Variants in EMG1 observed in about 807,000 individuals in gnomAD.
The protein encoded by EMG1 is EMG1 N1-specific pseudouridine methyltransferase.
EMG1 carries 24 observed loss-of-function variants against 26.9 expected under a neutral mutation model. The observed-to-expected ratio is 0.89, with a 90% CI of 0.65 to 1.26. The LOEUF is 1.26. Ranked by LOEUF, EMG1 falls within the 50% of genes most tolerant of loss-of-function variation. EMG1 has a pLI of 0.00. For missense variants in EMG1, 299 were observed against 307.6 expected, an observed-to-expected ratio of 0.97 and a Z score of 0.21; for synonymous variants, 140 against 112.6, an observed-to-expected ratio of 1.24 and a Z score of -1.54.
chr12:6,983,123 G>C (rs1946487607), downstream of EMG1: 5 of 495,892 alleles, frequency 1.0e-5, no homozygotes, highest in South Asian at 8.8e-5. Context: ...CTGAAGTGAA[G>C]AATGAATCTA....
In EMG1 at chr12:6,978,567, G is replaced by C. The variant is rs1946435843; in HGVS notation, c.*2758G>C. On this transcript the variant is annotated 3_prime_UTR_variant, in exon 6 of 6. Transcript: ENST00000599672. ...CTCCCCATACTGGCCCCCATGGCTT[G>C]TCTAAATAGGACCTTGTTTCAACTT... 1 of 1,613,424 alleles carries C rather than the reference G, an allele frequency of 6.2e-7. No homozygotes were observed.
chr12:6,996,702 T>G (rs1946638365), intron 7 of EMG1, among the ~76,000 whole-genome samples: 1 of 152,220 alleles, frequency 6.6e-6, no homozygotes, highest in Non-Finnish European at 1.5e-5. Flanking sequence ...TTTTAAGAGG[T>G]GCTTTCTATT....
Position 6,975,992 on chromosome 12 carries a change from G to T in EMG1, c.*183G>T, listed in dbSNP as rs1158980132. The T allele has an allele frequency of 1.1e-5, 6 of 562,630 alleles. No individual in the cohort carries two copies. Among genetic ancestry groups the T allele is most frequent in the Admixed American group, 3.1e-5 (1 of 32,310 alleles). The allele number at this position is 562,630 out of a possible 1,614,324, so 34.9% of individuals were successfully genotyped here. On this transcript the variant is annotated 3_prime_UTR_variant, in exon 6 of 6. Coordinates refer to ENST00000599672, the MANE Select transcript of EMG1 (RefSeq NM_006331.8). Reference sequence around the variant, plus strand: ...GTTCTTGCAAACCTGGTTGTTTTGGGGTTCCTAAAGTATCCAGTGGTGTAA... The same window carrying T: ...GTTCTTGCAAACCTGGTTGTTTTGGTGTTCCTAAAGTATCCAGTGGTGTAA...
At chr12:6,982,980 CTTTTT>C (rs782602160), downstream of EMG1, 1 of 655,128 alleles carries the variant, frequency 1.5e-6, no homozygotes. Flanking sequence ...TATTTCTTTT[CTTTTT>C]TTGTTTGTTT....
rs782715678 is a variant in EMG1, at chr12:6,997,194, A to C, written c.*212-31A>C. 3.9e-5 allele frequency: 6 copies of C among 152,130 alleles called. No homozygotes were observed. The East Asian group carries it at 7.7e-4, about 20-fold the overall frequency. The allele number at this position is 152,130 out of a possible 1,614,324, so 9.4% of individuals were successfully genotyped here. A position where few individuals can be genotyped will look rare whatever the true frequency, so the allele number is the denominator to read the frequency against. The stretch of plus-strand genomic sequence containing the variant: ...GTTGCCATCTAAACCTTATGTTTTT[A>C]TTTCTTTATTTTTTTATTTTCTTGA... On this transcript the variant is annotated intron_variant and NMD_transcript_variant, in intron 7 of 7. Coordinates refer to the EMG1 transcript ENST00000607161.
At chr12:6,994,161 T>C (rs1946614523) in intron 7 of EMG1, among the ~76,000 whole-genome samples, 1 of 152,204 alleles carries the variant, frequency 6.6e-6, no homozygotes, top group Admixed American at 6.5e-5. Context: ...GTTTTTATGT[T>C]TTCAATTCTC....
In EMG1 at chr12:6,971,018, T is replaced by A. The variant is rs1946317614; in HGVS notation, c.95T>A (p.Leu32Gln). Residue 32 changes from leucine (L) to glutamine (Q), a missense_variant, in exon 1 of 6, where the codon CTA (leucine) becomes CAA (glutamine). Physicochemically the swap from Leu to Gln is moderately radical, Grantham distance 113. Coordinates refer to ENST00000599672, the MANE Select transcript of EMG1 (RefSeq NM_006331.8). ...WDALPPKRPR[L>Q]GAGNKIGGRR... is the part of the protein sequence containing the mutation. Reference sequence around the variant, plus strand: ...GCTCTGCCACCCAAGCGGCCCCGACTAGGGGCAGGAAACAAGATCGGAGGC... The same window carrying A: ...GCTCTGCCACCCAAGCGGCCCCGACAAGGGGCAGGAAACAAGATCGGAGGC... The A allele has an allele frequency of 1.2e-6, 2 of 1,611,772 alleles. No homozygotes were observed. The highest frequency in any genetic ancestry group is 1.7e-6 in the Non-Finnish European group (2 of 1,178,974).
At chr12:6,990,618 C>T (rs1279772242), downstream of EMG1, among the ~76,000 whole-genome samples, 1 of 151,570 alleles carries the variant, frequency 6.6e-6, no homozygotes, top group Non-Finnish European at 1.5e-5. Flanking sequence ...TCAATGTCTA[C>T]TGTGTTAGAA....
At chr12:6,984,745 C>T (rs1555154592), downstream of EMG1, among the ~76,000 whole-genome samples, 2 of 152,038 alleles carry the variant, frequency 1.3e-5, no homozygotes, top group Admixed American at 6.6e-5. Flanking sequence ...TGCCACCATG[C>T]CTGGCTATTT....
At chr12:6,981,997 C>T, downstream of EMG1, 1 of 725,708 alleles carries the variant, frequency 1.4e-6, no homozygotes, top group Non-Finnish European at 2.5e-6. Flanking sequence ...CCTTTCTCCT[C>T]ATCCCATCAT....
chr12:6,978,621 G>A lies in EMG1; in HGVS notation c.*2812G>A, dbSNP rs1555153645. 2 of 1,614,194 alleles carry A rather than the reference G, an allele frequency of 1.2e-6. No individual in the cohort carries two copies. Among genetic ancestry groups the A allele is most frequent in the Admixed American group, 1.7e-5 (1 of 60,024 alleles). ...TACTTACTGTGACCAGCCAACAGGT[G>A]ACATATTTGTACAGCACAAACTTGC... is the stretch of plus-strand genomic sequence containing the variant. On this transcript the variant is annotated 3_prime_UTR_variant, in exon 6 of 6. Transcript: ENST00000599672.
At chr12:6,975,188 G>T (rs1278660474) in intron 4 of EMG1, 40 bp downstream of exon 4, 1 of 1,613,836 alleles carries the variant, frequency 6.2e-7, no homozygotes, top group Non-Finnish European at 8.5e-7. Context: ...CTGGTTCTGG[G>T]AATGTTTCTG....
Position 6,975,074 on chromosome 12 carries a change from T to C in EMG1, c.413-16T>C. On this transcript the variant is annotated splice_polypyrimidine_tract_variant and intron_variant, in intron 3 of 5. Transcript: ENST00000599672. ...TGGTCTCCATCTAGCTCTGAACTCTTTTTTCCCCCTTCTAGTTCAACTTTT... is the reference window on the plus strand; with the variant it reads ...TGGTCTCCATCTAGCTCTGAACTCTCTTTTCCCCCTTCTAGTTCAACTTTT... 6.2e-7 allele frequency: 1 copy of C among 1,613,828 alleles called. No homozygotes were observed. The highest frequency in any genetic ancestry group is 8.5e-7 in the Non-Finnish European group (1 of 1,179,730).
chr12:6,981,040 C>A, downstream of EMG1: 3 of 1,610,080 alleles, frequency 1.9e-6, no homozygotes, highest in Non-Finnish European at 2.5e-6. Context: ...AATCAGCTCT[C>A]CCTGCACCAG....
downstream of EMG1, among the ~76,000 whole-genome samples, chr12:6,991,717 T>G (rs1370337457): frequency 2.6e-5 from 4 of 152,220 alleles, no homozygotes; most frequent in African/African-American, 7.2e-5. Context: ...TGCCTAAGTC[T>G]AAAACCATAG....
rs1332087946 is a variant in EMG1, at chr12:6,977,827, G to A, written c.*2018G>A. On this transcript the variant is annotated 3_prime_UTR_variant, in exon 6 of 6. Coordinates refer to ENST00000599672, the MANE Select transcript of EMG1 (RefSeq NM_006331.8). This position sits in a 1 kb window ranked among gnomAD's most constrained non-coding sequence, Gnocchi z 4.5. ...ACCTGCCTCTGGGTCCTCACCCTGA[G>A]GATTGGATTGGAGTGCTGGTGGGTT... is the stretch of plus-strand genomic sequence containing the variant. 1 of 1,545,742 alleles carries A rather than the reference G, an allele frequency of 6.5e-7. No individual in the cohort carries two copies. The highest frequency in any genetic ancestry group is 1.4e-5 in the African/African-American group (1 of 73,672).
chr12:6,973,038 C>T (rs1946351882), intron 1 of EMG1, among the ~76,000 whole-genome samples: 1 of 150,440 alleles, frequency 6.6e-6, no homozygotes, highest in African/African-American at 2.5e-5. Context: ...CAGGGTCCCA[C>T]CGTGTTGCCC....
At position 6,979,837 on chromosome 12, in the gene EMG1, C is replaced by CAG. The variant is rs1946451643; in HGVS notation, c.*4028_*4029insAG. The CAG allele has an allele frequency of 2.1e-6, 1 of 475,930 alleles. No homozygotes were observed. The highest frequency in any genetic ancestry group is 2.0e-5 in the African/African-American group (1 of 51,150). 29.5% of individuals were successfully genotyped at this position (475,930 alleles called of 1,614,324 possible). A position where few individuals can be genotyped will look rare whatever the true frequency, so the allele number is the denominator to read the frequency against. On this transcript the variant is annotated 3_prime_UTR_variant, in exon 6 of 6. Coordinates refer to ENST00000599672, the MANE Select transcript of EMG1 (RefSeq NM_006331.8). ...CAGTGGACCAGTCTTGTGTTTACCC[C>CAG]TCAGGGATGCTACTGATCTCAAGGT... is the stretch of plus-strand genomic sequence containing the variant.
At chr12:6,989,606 G>C (rs890569096), downstream of EMG1, among the ~76,000 whole-genome samples, 1 of 152,016 alleles carries the variant, frequency 6.6e-6, no homozygotes, top group Non-Finnish European at 1.5e-5. Context: ...CCAATGCTGT[G>C]GTCTTTCAAG....
Sources: allele counts gnomAD v4.1 joint callset (sites outside exome capture counted in the v4.1 genomes callset), GRCh38; gene constraint gnomAD v4.1.1; non-coding constraint Gnocchi (gnomAD v3.1); transcripts MANE v1.5; gene names NCBI Gene and HGNC (gene_info 2026-07-23, HGNC 2026-07-21).